The following FLCN variants were observed in gnomAD, a reference collection of about 807,000 sequenced individuals.
FLCN encodes BHD skin lesion fibrofolliculoma protein.
A neutral mutation model predicts 62.5 loss-of-function variants in FLCN; 22 were observed. That is an observed-to-expected ratio of 0.35 (90% CI 0.25 to 0.50). FLCN has a LOEUF of 0.50. Among genes scored for constraint, FLCN ranks in the 20% least tolerant of loss-of-function variants. The probability of loss-of-function intolerance (pLI) is 0.97; values close to 1 mark genes in which losing one functional copy is unlikely to be tolerated. For synonymous variants in FLCN, 319 were observed against 310.0 expected (o/e 1.03, Z -0.30); for missense variants, 657 against 778.0 (o/e 0.84, Z 1.85).
At chr17:17,215,364 A>C (rs1396503608) in intron 11 of FLCN, 48 bp from the exon 12 acceptor site, 1 of 1,610,614 alleles carries the variant, frequency 6.2e-7, no homozygotes, top group Non-Finnish European at 8.5e-7. Context: ...CATGCTCCTC[A>C]CCTCCCCTGC....
intron 6 of FLCN, 70 bp from the exon 7 acceptor site, chr17:17,222,731 A>T: frequency 6.3e-7 from 1 of 1,596,766 alleles, no homozygotes; most frequent in Non-Finnish European, 8.6e-7. Flanking sequence ...CTACTCGTTC[A>T]CAGCCAACTC....
intron 8 of FLCN, 26 bp downstream of exon 8, chr17:17,221,511 C>A (rs780988951): frequency 6.2e-7 from 1 of 1,613,804 alleles, no homozygotes; most frequent in East Asian, 2.2e-5. Flanking sequence ...CGGGCCAAGG[C>A]CCCGGCAACA....
rs41345949 is a variant in FLCN, at chr17:17,236,986, C to T, written c.-302G>A. The T allele has an allele frequency of 0.059, 8,976 of 152,202 alleles. 382 individuals carry two copies. Among genetic ancestry groups the T allele is most frequent in the Non-Finnish European group, 0.079 (5,355 of 68,032 alleles). 9.4% of individuals were successfully genotyped at this position (152,202 alleles called of 1,614,324 possible). A position where few individuals can be genotyped will look rare whatever the true frequency, so the allele number is the denominator to read the frequency against. On this transcript the variant is annotated 5_prime_UTR_variant, in exon 1 of 14. Transcript: ENST00000285071. ...TCCCGCTCTGGGTCCCAGCCCCGCCCCTGACTGCGCTGGGTAGGTGGTCGC... is the reference window on the plus strand; with the variant it reads ...TCCCGCTCTGGGTCCCAGCCCCGCCTCTGACTGCGCTGGGTAGGTGGTCGC...
At position 17,214,977 on chromosome 17, in the gene FLCN, T is replaced by C. The variant is rs1471623826; in HGVS notation, c.1538+8A>G. 10 of 1,613,506 alleles carry C rather than the reference T, an allele frequency of 6.2e-6. No homozygotes were observed. The highest frequency in any genetic ancestry group is 3.3e-5 in the South Asian group (3 of 91,062). On this transcript the variant is annotated splice_region_variant and intron_variant, in intron 13 of 13. Coordinates refer to ENST00000285071, the MANE Select transcript of FLCN (RefSeq NM_144997.7). ...AAGCAAAGGGGCCTCACCCACACTG[T>C]TGCTTACTTCATCCACTCCTCCTTG...
chr17:17,216,447 C>T lies in FLCN; in HGVS notation c.1233G>A (p.Glu411=), dbSNP rs61750032. 12,762 of 1,613,828 alleles carry T rather than the reference C, an allele frequency of 7.9e-3. 514 individuals carry two copies. In the African/African-American group the frequency reaches 0.11, roughly 14 times the overall value. ...GCCCCAGGAAGTTGCACCGATAGGC[C>T]TCCTCGTACTGGCTGCTGTATGGGA... is the stretch of plus-strand genomic sequence containing the variant. ...RIIPYSSQYE[E]AYRCNFLGLS... Residue 411 remains glutamate, a synonymous_variant, in exon 11 of 14, where the codon GAG becomes GAA. Coordinates refer to ENST00000285071, the MANE Select transcript of FLCN (RefSeq NM_144997.7). The surrounding 1 kb of genome is among the most constrained non-coding windows in gnomAD (Gnocchi z 4.0).
intron 2 of FLCN, among the ~76,000 whole-genome samples, chr17:17,232,574 A>T (rs1005946618): frequency 1.3e-5 from 2 of 152,176 alleles, no homozygotes; most frequent in Non-Finnish European, 2.9e-5. Context: ...TGGCTTAAAA[A>T]TCTACTGCTC....
chr17:17,235,496 G>C (rs935990677), intron 1 of FLCN: 1 of 152,184 alleles, frequency 6.6e-6, no homozygotes, highest in Non-Finnish European at 1.5e-5. Flanking sequence ...CTTGTCAGAC[G>C]AGAGCTCTGA....
chr17:17,223,266 T>G (rs2047148979), intron 6 of FLCN: 1 of 182,776 alleles, frequency 5.5e-6, no homozygotes, highest in Non-Finnish European at 1.2e-5. Flanking sequence ...GCTAATTTTG[T>G]ATTTCTGGAA....
rs1483361585 is a variant in FLCN, at chr17:17,223,009, G to A, written c.619-348C>T. Reference sequence around the variant, plus strand: ...GGTGCACTACTTGGCTAAGGCACACGTGACTGGCTCTGGTCAATGAGCTGA... The same window carrying A: ...GGTGCACTACTTGGCTAAGGCACACATGACTGGCTCTGGTCAATGAGCTGA... On this transcript the variant is annotated intron_variant, in intron 6 of 13. Coordinates refer to ENST00000285071, the MANE Select transcript of FLCN (RefSeq NM_144997.7). 9 of 386,912 alleles carry A rather than the reference G, an allele frequency of 2.3e-5. No homozygotes were observed. The East Asian group carries it at 3.0e-4, about 13-fold the overall frequency. The allele number at this position is 386,912 out of a possible 1,614,324, so 24.0% of individuals were successfully genotyped here. A position where few individuals can be genotyped will look rare whatever the true frequency, so the allele number is the denominator to read the frequency against.
At position 17,227,957 on chromosome 17, in the gene FLCN, G is replaced by A. The variant is rs758156813; in HGVS notation, c.181C>T (p.His61Tyr). The change falls in exon 4 of 14, where the codon CAC becomes TAC. Residue 61 changes from histidine (H) to tyrosine (Y), a missense_variant. Transcript: ENST00000285071. ...GIQMNSRMRA[H>Y]SPAEGASVES... The stretch of plus-strand genomic sequence containing the variant: ...ACGCTGGCCCCCTCTGCGGGGCTGT[G>A]CGCACGCATCCGACTGTTCATCTGA... 6.2e-7 allele frequency: 1 copy of A among 1,614,180 alleles called. No homozygotes were observed. Among genetic ancestry groups the A allele is most frequent in the Non-Finnish European group, 8.5e-7 (1 of 1,180,054 alleles).
chr17:17,219,097 C>T lies in FLCN; in HGVS notation c.984G>A (p.Glu328=), dbSNP rs773355729. 6 of 1,614,206 alleles carry T rather than the reference C, an allele frequency of 3.7e-6. 1 individual carries two copies. In the South Asian group the frequency reaches 4.4e-5, roughly 12 times the overall value. The stretch of plus-strand genomic sequence containing the variant: ...TCCCACAGCCTGAGAGAGAGGAGGA[C>T]TCTGCCGGGCCCTGGGTCAGCTCCC... ...EGRELTQGPA[E]SSSLSGCGSW... Residue 328 remains glutamate (E), a synonymous_variant, in exon 9 of 14, where the codon GAG becomes GAA. Transcript: ENST00000285071.
chr17:17,229,776 G>A (rs1290695087), intron 3 of FLCN, among the ~76,000 whole-genome samples: 1 of 152,244 alleles, frequency 6.6e-6, no homozygotes, highest in Non-Finnish European at 1.5e-5. Flanking sequence ...GCTCACAGGA[G>A]TGGGTAGAGA....
chr17:17,216,314 CT>C lies in FLCN; in HGVS notation c.1300+65del. The C allele has an allele frequency of 6.2e-7, 1 of 1,603,934 alleles. No individual in the cohort carries two copies. Among genetic ancestry groups the C allele is most frequent in the Non-Finnish European group, 8.5e-7 (1 of 1,174,936 alleles). On this transcript the variant is annotated intron_variant, in intron 11 of 13. Transcript: ENST00000285071. This position sits in a 1 kb window ranked among gnomAD's most constrained non-coding sequence, Gnocchi z 4.0. ...AACCCATGACAGAGATCTGGTTCCA[CT>C]TTGGGCCTGAGGCGTGGGGAACCTC...
Position 17,213,876 on chromosome 17 carries a change from A to G in FLCN, c.1539-20T>C, listed in dbSNP as rs2046825114. 1 of 1,613,230 alleles carries G rather than the reference A, an allele frequency of 6.2e-7. No individual in the cohort carries two copies. The highest frequency in any genetic ancestry group is 1.3e-5 in the African/African-American group (1 of 74,998). On this transcript the variant is annotated intron_variant, in intron 13 of 13. Transcript: ENST00000285071. ...ACTTTGCTGAAGAAAACCAAAACAA[A>G]ACACTCAGACACCACAGCACAATCC...
intron 8 of FLCN, 150 bp from the exon 9 acceptor site, chr17:17,219,359 C>T (rs1435712719): frequency 1.1e-5 from 5 of 442,320 alleles, no homozygotes; most frequent in Non-Finnish European, 1.4e-5. Context: ...TCTGGGAGCC[C>T]TGGGGTGGGA....
In FLCN at chr17:17,222,593, G is replaced by A. The variant is rs754710935; in HGVS notation, c.687C>T (p.Phe229=). 1.0e-4 allele frequency: 162 copies of A among 1,614,238 alleles called. No individual in the cohort carries two copies. Among genetic ancestry groups the A allele is most frequent in the Non-Finnish European group, 1.1e-4 (133 of 1,180,042 alleles). Residue 229 remains phenylalanine, a synonymous_variant, in exon 7 of 14, where the codon TTC becomes TTT. Transcript: ENST00000285071. Reference sequence around the variant, plus strand: ...CGGCGTTGCCGTTCCTCTGGTGTAGGAATGGCGTGAAGGCTGTGTTCATCC... The same window carrying A: ...CGGCGTTGCCGTTCCTCTGGTGTAGAAATGGCGTGAAGGCTGTGTTCATCC... The part of the protein sequence containing the change: ...AQRMNTAFTP[F]LHQRNGNAAR...
rs765702734 is a variant in FLCN at position 17,226,267 on chromosome 17, G to T, written c.305C>A (p.Thr102Asn). Reference sequence around the variant, plus strand: ...CTGGTGGCTGACGTATTTAATGGAGGTCTCTTTATCATGGCTGATATATCC... The same window carrying T: ...CTGGTGGCTGACGTATTTAATGGAGTTCTCTTTATCATGGCTGATATATCC... ...HPGYISHDKE[T>N]SIKYVSHQHP... The change falls in exon 5 of 14, where the codon ACC (threonine) becomes AAC (asparagine). Residue 102 changes from threonine (T) to asparagine (N), a missense_variant. Thr to Asn is a moderately conservative substitution (Grantham distance 65, BLOSUM62 0). Coordinates refer to ENST00000285071, the MANE Select transcript of FLCN (RefSeq NM_144997.7). 1 of 1,614,160 alleles carries T rather than the reference G, an allele frequency of 6.2e-7. No homozygotes were observed. The highest frequency in any genetic ancestry group is 8.5e-7 in the Non-Finnish European group (1 of 1,180,042).
chr17:17,212,825 A>C lies in FLCN; in HGVS notation c.*830T>G, dbSNP rs2046796770. The C allele has an allele frequency of 4.4e-6, 1 of 225,914 alleles. No homozygotes were observed. The highest frequency in any genetic ancestry group is 8.8e-6 in the Non-Finnish European group (1 of 113,492). 14.0% of individuals were successfully genotyped at this position (225,914 alleles called of 1,614,324 possible). A position where few individuals can be genotyped will look rare whatever the true frequency, so the allele number is the denominator to read the frequency against. On this transcript the variant is annotated 3_prime_UTR_variant, in exon 14 of 14. Transcript: ENST00000285071. Reference sequence around the variant, plus strand: ...CAGTGGGATGATGAAATTGTCTTCAATCACCACACTCCGAAAATAGTTAAC... The same window carrying C: ...CAGTGGGATGATGAAATTGTCTTCACTCACCACACTCCGAAAATAGTTAAC...
At chr17:17,230,438 C>T (rs56339340) in intron 3 of FLCN, among the ~76,000 whole-genome samples, 23 of 151,590 alleles carry the variant, frequency 1.5e-4, no homozygotes, top group African/African-American at 5.3e-4. Context: ...GGCTGAGGCA[C>T]GAGAATCACT....
Sources: allele counts gnomAD v4.1 joint callset (sites outside exome capture counted in the v4.1 genomes callset), GRCh38; gene constraint gnomAD v4.1.1; non-coding constraint Gnocchi (gnomAD v3.1); transcripts MANE v1.5; gene names NCBI Gene and HGNC (gene_info 2026-07-23, HGNC 2026-07-21).